Variants in OPRM1 observed in about 807,000 individuals in gnomAD.
The protein encoded by OPRM1 is mu-type opioid receptor.
OPRM1 carries 27 observed loss-of-function variants against 31.8 expected under a neutral mutation model. The ratio of observed to expected loss-of-function variants is 0.85; its 90% CI spans 0.63 to 1.17. The LOEUF (loss-of-function observed/expected upper bound fraction) is 1.17, where lower values mean the gene tolerates loss of function less well. OPRM1 is among the 50% of genes most tolerant of loss of function. The pLI is 0.00. For missense variants in OPRM1, 536 were observed against 511.1 expected (o/e 1.05, Z -0.47); for synonymous variants, 196 against 189.9 (o/e 1.03, Z -0.26).
intron 3 of OPRM1, among the ~76,000 whole-genome samples, chr6:154,216,321 T>C (rs1418100520): frequency 2.0e-5 from 3 of 152,086 alleles, no homozygotes; most frequent in South Asian, 2.1e-4. Context: ...TGGGGGGTGG[T>C]TGTAATGACC....
At chr6:154,229,060 G>A (rs1779495693) in intron 3 of OPRM1, among the ~76,000 whole-genome samples, 1 of 152,146 alleles carries the variant, frequency 6.6e-6, no homozygotes, top group South Asian at 2.1e-4. Flanking sequence ...CCTTAAGTCT[G>A]GACTAGGTGC....
At chr6:154,167,379 C>T (rs1297967961) in intron 3 of OPRM1, among the ~76,000 whole-genome samples, 1 of 152,210 alleles carries the variant, frequency 6.6e-6, no homozygotes, top group East Asian at 1.9e-4. Context: ...AGAGTGTGTA[C>T]TTCCCACTGT....
intron 3 of OPRM1, among the ~76,000 whole-genome samples, chr6:154,180,405 TATATATATA>T (rs1353093388): frequency 4.2e-3 from 178 of 41,988 alleles, no homozygotes; most frequent in African/African-American, 0.012. Flanking sequence ...TATATATATA[TATATATATA>T]TTTTTTTTTT....
chr6:154,173,014 C>T (rs1384926398), intron 3 of OPRM1, among the ~76,000 whole-genome samples: 1 of 152,206 alleles, frequency 6.6e-6, no homozygotes, highest in Non-Finnish European at 1.5e-5. Context: ...GCTGGTGATA[C>T]CCAGGCAAAC....
intron 1 of OPRM1, among the ~76,000 whole-genome samples, chr6:154,030,271 T>C (rs1778934307): frequency 6.6e-6 from 1 of 152,226 alleles, no homozygotes; most frequent in Non-Finnish European, 1.5e-5. Flanking sequence ...GTTTTTGCTC[T>C]TGAGGTTCTA....
intron 3 of OPRM1, chr6:154,155,142 A>C (rs1228768989): frequency 6.6e-6 from 1 of 152,326 alleles, no homozygotes; most frequent in East Asian, 1.9e-4. Flanking sequence ...GCCCCACGAC[A>C]CAGAGAAACG....
At chr6:154,020,619 G>T (rs918670851) in intron 1 of OPRM1, among the ~76,000 whole-genome samples, 1 of 152,172 alleles carries the variant, frequency 6.6e-6, no homozygotes, top group Non-Finnish European at 1.5e-5. Flanking sequence ...TTGTCTTTCG[G>T]ATTATGATCG....
chr6:154,065,926 A>G (rs1328867917), intron 1 of OPRM1, among the ~76,000 whole-genome samples: 1 of 152,042 alleles, frequency 6.6e-6, no homozygotes, highest in Admixed American at 6.6e-5. Context: ...AGCTTTTAAT[A>G]TGTTATGGTT....
chr6:154,121,926 G>A lies in OPRM1; in HGVS notation c.*3205G>A, dbSNP rs534232573. 1.2e-4 allele frequency among the ~76,000 whole-genome samples: 19 copies of A among 152,244 alleles called. No individual in the cohort carries two copies. Among genetic ancestry groups the A allele is most frequent in the East Asian group, 9.6e-4 (5 of 5,190 alleles). On this transcript the variant is annotated 3_prime_UTR_variant, in exon 4 of 4. Coordinates refer to ENST00000330432, the MANE Select transcript of OPRM1 (RefSeq NM_000914.5). The stretch of plus-strand genomic sequence containing the variant: ...TAAATATGTGGAAATGATAAGATGC[G>A]TACTGCATCTCTCATATAATAAAGA...
intron 3 of OPRM1, chr6:154,213,018 A>G (rs975823440): frequency 1.5e-5 from 9 of 601,856 alleles, no homozygotes; most frequent in Middle Eastern, 4.4e-4. Flanking sequence ...AAGGAATTAC[A>G]TAAGAGGCAG....
intron 3 of OPRM1, among the ~76,000 whole-genome samples, chr6:154,226,916 G>T (rs567752177): frequency 6.6e-6 from 1 of 152,174 alleles, no homozygotes; most frequent in Non-Finnish European, 1.5e-5. Context: ...AATACTTCTG[G>T]CCAGGCGCAG....
chr6:154,135,128 G>A (rs367809520), downstream of OPRM1, among the ~76,000 whole-genome samples: 1 of 152,304 alleles, frequency 6.6e-6, no homozygotes, highest in East Asian at 1.9e-4. Context: ...GTCAGAATAT[G>A]AGAACAGATA....
At chr6:154,193,821 ATGACAATACTCCCTATTTTTTTCT>A (rs1358313334) in intron 3 of OPRM1, among the ~76,000 whole-genome samples, 1 of 152,216 alleles carries the variant, frequency 6.6e-6, no homozygotes, top group Non-Finnish European at 1.5e-5. Context: ...AGCATCAAAC[ATGACAATACTCCCTATTTTTTTCT>A]TCCAATGCTG....
intron 3 of OPRM1, among the ~76,000 whole-genome samples, chr6:154,105,937 C>G (rs914117690): frequency 6.6e-6 from 1 of 152,098 alleles, no homozygotes; most frequent in African/African-American, 2.4e-5. Context: ...TCTTATAAAC[C>G]TTTTATAACC....
intron 1 of OPRM1, among the ~76,000 whole-genome samples, chr6:154,034,033 T>TA (rs1435420758): frequency 6.6e-6 from 1 of 152,190 alleles, no homozygotes; most frequent in East Asian, 1.9e-4. Flanking sequence ...GTTCCACTTT[T>TA]AAAAATATAA....
chr6:154,066,088 TG>T (rs1785342645), intron 1 of OPRM1, among the ~76,000 whole-genome samples: 1 of 152,212 alleles, frequency 6.6e-6, no homozygotes, highest in South Asian at 2.1e-4. Context: ...ATTCACATGT[TG>T]AACCATCCTT....
chr6:154,045,127 G>A (rs1364472237), intron 1 of OPRM1, among the ~76,000 whole-genome samples: 3 of 152,010 alleles, frequency 2.0e-5, no homozygotes, highest in East Asian at 1.9e-4. Context: ...TGGGGAGGCT[G>A]AGGCACAAGA....
At chr6:154,152,342 A>AGGAAG (rs759826437) in intron 3 of OPRM1, among the ~76,000 whole-genome samples, 3 of 19,572 alleles carry the variant, frequency 1.5e-4, no homozygotes, top group Non-Finnish European at 3.3e-4. Context: ...AAAGAAAGAA[A>AGGAAG]GAAAGGAAAG....
Position 154,150,525 on chromosome 6 carries a change from T to C in OPRM1, c.1164+59053T>C, listed in dbSNP as rs1583658101. 3.3e-5 allele frequency among the ~76,000 whole-genome samples: 5 copies of C among 152,322 alleles called. 1 individual carries two copies. Among genetic ancestry groups the C allele is most frequent in the Admixed American group, 3.3e-4 (5 of 15,302 alleles). ...GAGTGAGCCTAGCAAGGCCAGGCAT[T>C]GTCTTATAAGGTCCCTGCCTCATGG... On this transcript the variant is annotated intron_variant, in intron 3 of 3. Transcript: ENST00000337049.
Sources: gnomAD v4.1 joint callset for allele counts (sites outside exome capture counted in the v4.1 genomes callset) on GRCh38, gnomAD v4.1.1 for gene constraint, MANE v1.5 for transcripts, NCBI Gene and HGNC (gene_info 2026-07-23, HGNC 2026-07-21) for gene names.